The following TMEM135 variants were observed in gnomAD, a reference collection of about 807,000 sequenced individuals.
TMEM135 encodes peroxisomal membrane protein 52.
TMEM135 carries 30 observed loss-of-function variants against 60.3 expected under a neutral mutation model. The observed-to-expected ratio is 0.50, with a 90% CI of 0.37 to 0.68. The LOEUF (loss-of-function observed/expected upper bound fraction) is 0.68, where lower values mean the gene tolerates loss of function less well. Among genes scored for constraint, TMEM135 ranks in the 30% least tolerant of loss-of-function variants. TMEM135 has a pLI of 0.00. For synonymous variants in TMEM135, 190 were observed against 186.7 expected (o/e 1.02, Z -0.14); for missense variants, 468 against 548.8 (o/e 0.85, Z 1.47).
At chr11:87,265,096 AT>A (rs901699280) in intron 6 of TMEM135, among the ~76,000 whole-genome samples, 3 of 152,096 alleles carry the variant, frequency 2.0e-5, no homozygotes, top group African/African-American at 7.2e-5. Context: ...TTGACTAGAA[AT>A]TTATTGTCTA....
At chr11:87,103,223 A>G (rs1488134577) in intron 4 of TMEM135, among the ~76,000 whole-genome samples, 1 of 152,172 alleles carries the variant, frequency 6.6e-6, no homozygotes, top group Non-Finnish European at 1.5e-5. Context: ...GTTAGAGAAA[A>G]ATCATATGGT....
intron 1 of TMEM135, among the ~76,000 whole-genome samples, chr11:87,047,469 C>T (rs952640615): frequency 6.0e-5 from 9 of 151,106 alleles, no homozygotes; most frequent in East Asian, 3.9e-4. Context: ...GCACCGTGCG[C>T]GAGCCGAAGC....
At chr11:87,203,339 A>T (rs1393790564) in intron 5 of TMEM135, among the ~76,000 whole-genome samples, 2 of 152,148 alleles carry the variant, frequency 1.3e-5, no homozygotes, top group East Asian at 3.9e-4. Context: ...TCCCTCAAAA[A>T]TCCTCTGTGC....
chr11:87,068,549 G>A (rs1856710517), intron 2 of TMEM135, among the ~76,000 whole-genome samples: 2 of 152,064 alleles, frequency 1.3e-5, no homozygotes, highest in African/African-American at 2.4e-5. Flanking sequence ...GGTGGCTCAC[G>A]CCTGTAATCC....
At chr11:87,233,279 A>C (rs575768792) in intron 5 of TMEM135, among the ~76,000 whole-genome samples, 8 of 152,272 alleles carry the variant, frequency 5.3e-5, no homozygotes, top group Admixed American at 2.6e-4. Flanking sequence ...GATACCAATA[A>C]TCACATTAAA....
intron 6 of TMEM135, among the ~76,000 whole-genome samples, chr11:87,271,380 A>G (rs565314573): frequency 6.6e-6 from 1 of 152,218 alleles, no homozygotes; most frequent in Non-Finnish European, 1.5e-5. Flanking sequence ...TAATCTTTAG[A>G]AAGTCACTTG....
chr11:87,079,877 T>A (rs1199569327), intron 3 of TMEM135, among the ~76,000 whole-genome samples: 2 of 147,624 alleles, frequency 1.4e-5, no homozygotes, highest in Admixed American at 1.4e-4. Flanking sequence ...AGCCTCACTC[T>A]GTCGCCCAGG....
chr11:87,085,287 A>T (rs1555101374), intron 3 of TMEM135, among the ~76,000 whole-genome samples: 1 of 152,174 alleles, frequency 6.6e-6, no homozygotes, highest in Non-Finnish European at 1.5e-5. Context: ...GCTGTTAAGG[A>T]GGTGATTTGG....
chr11:87,165,854 A>G (rs1024331333), intron 5 of TMEM135, among the ~76,000 whole-genome samples: 1 of 127,120 alleles, frequency 7.9e-6, no homozygotes, highest in East Asian at 3.5e-4. Flanking sequence ...TAAGACTAAT[A>G]AAGAAAAAAG....
intron 5 of TMEM135, among the ~76,000 whole-genome samples, chr11:87,194,930 T>G (rs1047171171): frequency 6.6e-6 from 1 of 152,346 alleles, no homozygotes; most frequent in Admixed American, 6.5e-5. Flanking sequence ...ACTAAAATGA[T>G]GCATATATGT....
At chr11:87,122,825 A>G (rs936743597) in intron 4 of TMEM135, among the ~76,000 whole-genome samples, 1 of 152,160 alleles carries the variant, frequency 6.6e-6, no homozygotes, top group Non-Finnish European at 1.5e-5. Context: ...ACTATGCAGT[A>G]CTCATCAGTA....
intron 5 of TMEM135, among the ~76,000 whole-genome samples, chr11:87,228,087 AT>A (rs1940804470): frequency 6.6e-6 from 1 of 152,160 alleles, no homozygotes; most frequent in Non-Finnish European, 1.5e-5. Context: ...ATATAATCAG[AT>A]GTTTTGGTGA....
intron 1 of TMEM135, among the ~76,000 whole-genome samples, chr11:87,054,808 G>T (rs1949877083): frequency 6.6e-6 from 1 of 151,306 alleles, no homozygotes; most frequent in African/African-American, 2.4e-5. Context: ...TTTTTTTTCA[G>T]ACCCGTATGT....
intron 5 of TMEM135, among the ~76,000 whole-genome samples, chr11:87,225,828 T>G (rs563757634): frequency 3.2e-4 from 49 of 152,258 alleles, no homozygotes; most frequent in South Asian, 1.0e-3. Flanking sequence ...GTGAGTACCC[T>G]AACTTTTGAG....
intron 11 of TMEM135, among the ~76,000 whole-genome samples, chr11:87,313,961 G>A (rs749656312): frequency 2.0e-5 from 3 of 151,560 alleles, no homozygotes; most frequent in African/African-American, 4.8e-5. Flanking sequence ...AATTTATCAG[G>A]TATTTATTAG....
intron 5 of TMEM135, among the ~76,000 whole-genome samples, chr11:87,174,293 A>G (rs1939315029): frequency 1.3e-5 from 2 of 152,136 alleles, no homozygotes; most frequent in Non-Finnish European, 2.9e-5. Context: ...ACACATGTCT[A>G]TTGCCATTGA....
chr11:87,303,315 G>T (rs1942478587), intron 8 of TMEM135, among the ~76,000 whole-genome samples: 1 of 152,054 alleles, frequency 6.6e-6, no homozygotes, highest in Non-Finnish European at 1.5e-5. Flanking sequence ...CTGATGATGT[G>T]GGGTGGAACA....
rs386374401 is a variant in TMEM135 at position 87,222,181 on chromosome 11, C to CAAAAAAAAAA, written c.463-14442_463-14433dup. On this transcript the variant is annotated intron_variant, in intron 5 of 14. Coordinates refer to ENST00000305494, the MANE Select transcript of TMEM135 (RefSeq NM_022918.4). The stretch of plus-strand genomic sequence containing the variant: ...TGGGCGAAAGAGCGAGACTCTGTCT[C>CAAAAAAAAAA]AAAAAAAAAAAAAAAAAAAAAAAAT... Among the ~76,000 whole-genome samples the CAAAAAAAAAA allele has an allele frequency of 6.3e-3, 347 of 55,436 alleles. 15 individuals are homozygous for CAAAAAAAAAA. Among genetic ancestry groups the CAAAAAAAAAA allele is most frequent in the Non-Finnish European group, 9.2e-3 (266 of 28,966 alleles). 36.4% of individuals were successfully genotyped at this position (55,436 alleles called of 152,430 possible).
intron 9 of TMEM135, among the ~76,000 whole-genome samples, chr11:87,307,380 C>CAAAAAAAAAAA (rs5793247): frequency 7.3e-6 from 1 of 137,928 alleles, no homozygotes. Context: ...TTAAAGTGGC[C>CAAAAAAAAAAA]AAAAAAAAAA....
Sources: gnomAD v4.1 joint callset for allele counts (sites outside exome capture counted in the v4.1 genomes callset) on GRCh38, gnomAD v4.1.1 for gene constraint, MANE v1.5 for transcripts, NCBI Gene and HGNC (gene_info 2026-07-23, HGNC 2026-07-21) for gene names.